The following PSMA6 variants were observed in gnomAD, a reference collection of about 807,000 sequenced individuals.
PSMA6 encodes the protein proteasome 20S subunit alpha 6, also known as proteasome subunit alpha type-6.
For synonymous variants in PSMA6, 88 were observed against 97.7 expected (o/e 0.90, Z 0.59); for missense variants, 170 against 294.8 (o/e 0.58, Z 3.10).
rs1238318072 is a variant in PSMA6 at position 35,292,484 on chromosome 14, G to C, written c.8G>C (p.Arg3Pro). Reference protein sequence around the residue: MSRGSSAGFDRHI... With the variant: MSPGSSAGFDRHI... ...AGTAGTGCTTCTACCAACATGTCCC[G>C]TGGTTCCAGCGCCGGTTTTGACCGC... is the stretch of plus-strand genomic sequence containing the variant. The change falls in exon 1 of 7, where the codon CGT becomes CCT. Residue 3 changes from arginine (R) to proline (P), a missense_variant. Arg to Pro is a moderately radical substitution (Grantham distance 103, BLOSUM62 -2). Coordinates refer to ENST00000261479, the MANE Select transcript of PSMA6 (RefSeq NM_002791.3). 6.2e-7 allele frequency: 1 copy of C among 1,613,786 alleles called. No individual in the cohort carries two copies. The highest frequency in any genetic ancestry group is 8.5e-7 in the Non-Finnish European group (1 of 1,179,816).
rs543675454 is a variant in PSMA6 at position 35,280,737 on chromosome 14, G to A, written c.19+2019G>A. Among the ~76,000 whole-genome samples, 18 of 151,890 alleles carry A rather than the reference G, an allele frequency of 1.2e-4. No individual in the cohort carries two copies. The East Asian group carries it at 2.1e-3, about 18-fold the overall frequency. Reference sequence around the variant, plus strand: ...TGATTTGTTGTTGTTGTTTGTTTTCGAAATGGGGTCTCACTGTGTTGCCCA... The same window carrying A: ...TGATTTGTTGTTGTTGTTTGTTTTCAAAATGGGGTCTCACTGTGTTGCCCA... On this transcript the variant is annotated intron_variant, in intron 1 of 6. Transcript: ENST00000540871.
chr14:35,290,876 T>G (rs2051470238), upstream of PSMA6, among the ~76,000 whole-genome samples: 1 of 152,246 alleles, frequency 6.6e-6, no homozygotes, highest in South Asian at 2.1e-4. Context: ...TTGGAATTAC[T>G]CTCATTAATC....
In PSMA6 at chr14:35,296,886, C is replaced by A. The variant is rs540477850; in HGVS notation, c.76+4334C>A. 3.3e-5 allele frequency among the ~76,000 whole-genome samples: 5 copies of A among 152,124 alleles called. No homozygotes were observed. The East Asian group carries it at 9.6e-4, about 29-fold the overall frequency. On this transcript the variant is annotated intron_variant, in intron 1 of 6. Coordinates refer to ENST00000261479, the MANE Select transcript of PSMA6 (RefSeq NM_002791.3). ...CATATCTACATAAATACATATATAA[C>A]TACACAGAAAAAGTGATGGGATCAA...
intron 6 of PSMA6, 98 bp downstream of exon 6, chr14:35,314,553 T>C (rs2052003915): frequency 2.2e-6 from 3 of 1,339,168 alleles, no homozygotes; most frequent in Non-Finnish European, 2.9e-6. Flanking sequence ...TCTTTAACTG[T>C]CATTATAGTT....
At chr14:35,304,164 G>A (rs184986636) in intron 1 of PSMA6, among the ~76,000 whole-genome samples, 5 of 152,090 alleles carry the variant, frequency 3.3e-5, no homozygotes, top group East Asian at 3.9e-4. Context: ...ATAGAGATGC[G>A]GTTTCACCAT....
At chr14:35,299,167 C>T (rs1354560160) in intron 1 of PSMA6, among the ~76,000 whole-genome samples, 1 of 151,810 alleles carries the variant, frequency 6.6e-6, no homozygotes, top group Non-Finnish European at 1.5e-5. Flanking sequence ...GCTGGGAGTA[C>T]AGGTATACAC....
At chr14:35,292,598 A>ATG in intron 1 of PSMA6, 46 bp downstream of exon 1, 1 of 1,606,210 alleles carries the variant, frequency 6.2e-7, no homozygotes. Flanking sequence ...TTGCCCTGTC[A>ATG]TGGTACGTGC....
intron 1 of PSMA6, among the ~76,000 whole-genome samples, chr14:35,304,986 G>A (rs1387958122): frequency 6.6e-6 from 1 of 152,082 alleles, no homozygotes; most frequent in South Asian, 2.1e-4. Context: ...ACTGAAGTGG[G>A]AGGGTCTGAA....
chr14:35,311,359 TGA>T (rs1024711709), intron 4 of PSMA6, among the ~76,000 whole-genome samples: 5 of 152,242 alleles, frequency 3.3e-5, no homozygotes, highest in African/African-American at 1.2e-4. Context: ...GGGAGAGGGA[TGA>T]GATTTACTGA....
At chr14:35,285,017 G>A (rs775525314) in intron 1 of PSMA6, among the ~76,000 whole-genome samples, 6 of 152,092 alleles carry the variant, frequency 3.9e-5, no homozygotes, top group Non-Finnish European at 8.8e-5. Context: ...GAAGTTTGAG[G>A]ATCTCAGCTG....
chr14:35,309,772 G>A (rs1458185279), intron 3 of PSMA6, among the ~76,000 whole-genome samples: 2 of 151,996 alleles, frequency 1.3e-5, no homozygotes, highest in East Asian at 1.9e-4. Context: ...CTCCAGCCTC[G>A]GCAACAGAGT....
At chr14:35,315,810 T>G in intron 6 of PSMA6, 1 of 152,132 alleles carries the variant, frequency 6.6e-6, no homozygotes, top group African/African-American at 2.4e-5. Context: ...TCCTGCCACC[T>G]TTAAAATTGT....
At chr14:35,285,351 A>AAC (rs1555335389) in intron 1 of PSMA6, among the ~76,000 whole-genome samples, 3 of 38,900 alleles carry the variant, frequency 7.7e-5, no homozygotes, top group African/African-American at 1.3e-4. Context: ...AAAAAAACAA[A>AAC]AAACAAAAAA....
chr14:35,293,040 GT>G, intron 1 of PSMA6: 1 of 456,596 alleles, frequency 2.2e-6, no homozygotes, highest in Admixed American at 2.3e-5. Context: ...AAATGTGAAT[GT>G]TACACCCTCT....
upstream of PSMA6, among the ~76,000 whole-genome samples, chr14:35,290,336 CAA>C (rs1395740138): frequency 6.6e-6 from 1 of 151,994 alleles, no homozygotes; most frequent in African/African-American, 2.4e-5. Context: ...TCTGAGAAGA[CAA>C]AAGTCTTCAA....
At chr14:35,304,818 C>G (rs1289723513) in intron 1 of PSMA6, among the ~76,000 whole-genome samples, 1 of 151,954 alleles carries the variant, frequency 6.6e-6, no homozygotes, top group Non-Finnish European at 1.5e-5. Context: ...ATGGCTCATA[C>G]CTGCTGTAAT....
Position 35,292,519 on chromosome 14 carries a change from A to G in PSMA6, c.43A>G (p.Ile15Val). 2 of 1,613,556 alleles carry G rather than the reference A, an allele frequency of 1.2e-6. No homozygotes were observed. The highest frequency in any genetic ancestry group is 1.7e-6 in the Non-Finnish European group (2 of 1,179,706). The change falls in exon 1 of 7, where the codon ATT (isoleucine) becomes GTT (valine). Residue 15 changes from isoleucine (I) to valine (V), a missense_variant. By Grantham distance (29) the Ile-to-Val change is conservative. Coordinates refer to ENST00000261479, the MANE Select transcript of PSMA6 (RefSeq NM_002791.3). ...CGCCGGTTTTGACCGCCACATTACC[A>G]TTTTTTCACCCGAGGGTCGGCTCTA... Reference protein sequence around the residue: ...SSAGFDRHITIFSPEGRLYQV... With the variant: ...SSAGFDRHITVFSPEGRLYQV...
intron 1 of PSMA6, among the ~76,000 whole-genome samples, chr14:35,305,094 G>A (rs1343375325): frequency 1.3e-5 from 2 of 151,772 alleles, no homozygotes; most frequent in African/African-American, 2.4e-5. Context: ...TGATAATAAT[G>A]ATAAAACCAG....
At chr14:35,288,359 G>A (rs540181179), upstream of PSMA6, among the ~76,000 whole-genome samples, 3 of 152,316 alleles carry the variant, frequency 2.0e-5, no homozygotes, top group South Asian at 2.1e-4. Context: ...TTAGCCAGGC[G>A]TGGTAGTGCA....
Sources: gnomAD v4.1 joint callset for allele counts (sites outside exome capture counted in the v4.1 genomes callset) on GRCh38, gnomAD v4.1.1 for gene constraint, MANE v1.5 for transcripts, NCBI Gene and HGNC (gene_info 2026-07-23, HGNC 2026-07-21) for gene names.